The following SOX5 variants were observed in gnomAD, a reference collection of about 807,000 sequenced individuals.
SOX5 encodes transcription factor SOX-5.
Under a neutral mutation model 92.0 loss-of-function variants are expected in SOX5, and 9 were observed. That is an observed-to-expected ratio of 0.10 (90% CI 0.06 to 0.17). SOX5 has a LOEUF of 0.17. SOX5 is among the 10% of genes least tolerant of loss of function. The pLI, the probability that SOX5 is intolerant of heterozygous loss-of-function variation, is 1.00. For synonymous variants in SOX5, 344 were observed against 336.3 expected, an observed-to-expected ratio of 1.02 and a Z score of -0.25; for missense variants, 642 against 944.5, an observed-to-expected ratio of 0.68 and a Z score of 4.20.
At chr12:24,017,119 T>C (rs954961845) in intron 4 of SOX5, among the ~76,000 whole-genome samples, 1 of 152,208 alleles carries the variant, frequency 6.6e-6, no homozygotes, top group Non-Finnish European at 1.5e-5. Context: ...AACATCTCTT[T>C]AAACCGTCAA....
intron 4 of SOX5, among the ~76,000 whole-genome samples, chr12:23,958,049 A>G (rs1341455314): frequency 6.6e-6 from 1 of 152,066 alleles, no homozygotes; most frequent in African/African-American, 2.4e-5. Flanking sequence ...AATCTTGCAT[A>G]GAGTCAAAGT....
rs1039965797 is a variant in SOX5 at position 24,542,366 on chromosome 12, G to A, written c.-251+19963C>T. On this transcript the variant is annotated intron_variant, in intron 1 of 4. Coordinates refer to the SOX5 transcript ENST00000446891. ...TCATGAAAGCCTTCTGGGACTTTCA[G>A]AATAAAACAGGCTACTCTATGTATC... Among the ~76,000 whole-genome samples the A allele has an allele frequency of 2.6e-5, 4 of 152,322 alleles. No homozygotes were observed. The South Asian group carries it at 8.3e-4, about 32-fold the overall frequency.
intron 2 of SOX5, among the ~76,000 whole-genome samples, chr12:23,877,789 A>C (rs1191108216): frequency 6.6e-6 from 1 of 152,072 alleles, no homozygotes; most frequent in East Asian, 1.9e-4. Context: ...CAAAATTTTG[A>C]AAATGCTAGT....
intron 4 of SOX5, among the ~76,000 whole-genome samples, chr12:24,188,303 T>C (rs1956206907): frequency 6.6e-6 from 1 of 152,174 alleles, no homozygotes; most frequent in Non-Finnish European, 1.5e-5. Flanking sequence ...CCCTGCATAA[T>C]CAATTTCTGA....
chr12:24,233,514 A>C (rs1295236789), intron 3 of SOX5, among the ~76,000 whole-genome samples: 1 of 152,230 alleles, frequency 6.6e-6, no homozygotes, highest in Non-Finnish European at 1.5e-5. Flanking sequence ...GAAAAGGGAA[A>C]AAGTTAAATT....
intron 4 of SOX5, among the ~76,000 whole-genome samples, chr12:24,046,094 C>T (rs753610758): frequency 3.9e-5 from 6 of 152,222 alleles, no homozygotes; most frequent in Non-Finnish European, 8.8e-5. Context: ...GCTTGAACTA[C>T]ATTGTTCCTT....
intron 3 of SOX5, among the ~76,000 whole-genome samples, chr12:24,263,545 A>AAAAAAAC (rs1942545085): frequency 6.7e-6 from 1 of 149,210 alleles, no homozygotes; most frequent in African/African-American, 2.5e-5. Context: ...AAAAAACAAA[A>AAAAAAAC]AAAAAAACAA....
intron 4 of SOX5, among the ~76,000 whole-genome samples, chr12:24,059,709 G>A (rs1005848076): frequency 1.3e-5 from 2 of 152,166 alleles, no homozygotes; most frequent in African/African-American, 4.8e-5. Flanking sequence ...CTCCAGGGAA[G>A]GGAATCACAT....
At chr12:24,505,277 C>A (rs1597388206) in intron 1 of SOX5, among the ~76,000 whole-genome samples, 2 of 152,016 alleles carry the variant, frequency 1.3e-5, no homozygotes, top group South Asian at 4.1e-4. Context: ...TGTGGAAAAC[C>A]TTGAGTTGTA....
At chr12:23,970,161 TA>T (rs1204489591) in intron 4 of SOX5, among the ~76,000 whole-genome samples, 1 of 151,578 alleles carries the variant, frequency 6.6e-6, no homozygotes, top group Admixed American at 6.6e-5. Context: ...CAGTCTATCA[TA>T]AAAAAAGGAA....
chr12:24,345,689 G>A (rs1455967992), intron 2 of SOX5, among the ~76,000 whole-genome samples: 1 of 152,042 alleles, frequency 6.6e-6, no homozygotes, highest in Non-Finnish European at 1.5e-5. Context: ...TTGCACTTAA[G>A]CATTCATCCT....
intron 2 of SOX5, among the ~76,000 whole-genome samples, chr12:24,281,585 G>A (rs1317440826): frequency 6.6e-6 from 1 of 152,142 alleles, no homozygotes; most frequent in Non-Finnish European, 1.5e-5. Flanking sequence ...AACGCTCACC[G>A]CATGCAAATG....
intron 6 of SOX5, among the ~76,000 whole-genome samples, chr12:23,696,260 C>A (rs2089838969): frequency 6.6e-6 from 1 of 151,770 alleles, no homozygotes; most frequent in Non-Finnish European, 1.5e-5. Flanking sequence ...GGCCTGGAAT[C>A]TTATTGTGGG....
Position 24,307,450 on chromosome 12 carries a change from A to AAAGGAAGG in SOX5, c.-173-30146_-173-30139dup, listed in dbSNP as rs71063305. On this transcript the variant is annotated intron_variant, in intron 2 of 4. Coordinates refer to the SOX5 transcript ENST00000446891. ...TTCTCATTTAGTACTGTATAGCTGGAAAGGAAGGAAGGAAGGAAGGAAGGA... is the reference window on the plus strand; with the variant it reads ...TTCTCATTTAGTACTGTATAGCTGGAAAGGAAGGAAGGAAGGAAGGAAGGAAGGAAGGA... 5.1e-4 allele frequency among the ~76,000 whole-genome samples: 61 copies of AAAGGAAGG among 118,626 alleles called. 6 individuals carry two copies. Among genetic ancestry groups the AAAGGAAGG allele is most frequent in the African/African-American group, 1.1e-3 (26 of 24,402 alleles). 77.8% of individuals were successfully genotyped at this position (118,626 alleles called of 152,430 possible). A position where few individuals can be genotyped will look rare whatever the true frequency, so the allele number is the denominator to read the frequency against.
intron 1 of SOX5, among the ~76,000 whole-genome samples, chr12:24,459,449 T>A (rs1461689004): frequency 6.6e-6 from 1 of 152,194 alleles, no homozygotes; most frequent in Non-Finnish European, 1.5e-5. Context: ...ATCAATTTCT[T>A]GTGCTAAATA....
chr12:24,123,805 T>A (rs1053487235), intron 4 of SOX5, among the ~76,000 whole-genome samples: 1 of 152,204 alleles, frequency 6.6e-6, no homozygotes, highest in Non-Finnish European at 1.5e-5. Flanking sequence ...CTGCATATCA[T>A]CACTGACATA....
At chr12:24,081,231 C>A (rs1348940574) in intron 4 of SOX5, among the ~76,000 whole-genome samples, 3 of 151,886 alleles carry the variant, frequency 2.0e-5, no homozygotes, top group African/African-American at 7.2e-5. Flanking sequence ...TTTCATCACT[C>A]CTTGCAAAAA....
At chr12:24,337,355 AAG>A (rs1054583607) in intron 2 of SOX5, among the ~76,000 whole-genome samples, 1 of 107,716 alleles carries the variant, frequency 9.3e-6, no homozygotes. Flanking sequence ...TTTTTTTTTT[AAG>A]AGAGAGAGAG....
At chr12:24,285,197 T>C (rs12306897) in intron 2 of SOX5, among the ~76,000 whole-genome samples, 358 of 152,222 alleles carry the variant, frequency 2.4e-3, no homozygotes, top group Middle Eastern at 0.01. Flanking sequence ...ACCCTGAGCA[T>C]ACAGATTGCT....
Sources: allele counts gnomAD v4.1 joint callset (sites outside exome capture counted in the v4.1 genomes callset), GRCh38; gene constraint gnomAD v4.1.1; transcripts MANE v1.5; gene names NCBI Gene and HGNC (gene_info 2026-07-23, HGNC 2026-07-21).